The following PLEKHM2 variants were observed in gnomAD, a reference collection of about 807,000 sequenced individuals.
PLEKHM2 encodes the protein pleckstrin homology and RUN domain containing M2, also known as pleckstrin homology domain-containing family M member 2.
In PLEKHM2, 77 loss-of-function variants were observed where a neutral mutation model predicts 116.3. The ratio of observed to expected loss-of-function variants is 0.66; its 90% CI spans 0.55 to 0.80. PLEKHM2 has a LOEUF of 0.80. Ranked by LOEUF, PLEKHM2 falls within the 30% of genes least tolerant of loss-of-function variation. The probability of loss-of-function intolerance (pLI) is 0.00; values close to 1 mark genes in which losing one functional copy is unlikely to be tolerated. For missense variants in PLEKHM2, 1,183 were observed against 1,354.9 expected, an observed-to-expected ratio of 0.87 and a Z score of 1.99; for synonymous variants, 562 against 571.0, an observed-to-expected ratio of 0.98 and a Z score of 0.22.
upstream of PLEKHM2, among the ~76,000 whole-genome samples, chr1:15,682,075 G>A (rs1220428946): frequency 6.6e-6 from 1 of 151,986 alleles, no homozygotes. Context: ...ATTTTATTCT[G>A]TACTCTCAGC....
intron 7 of PLEKHM2, among the ~76,000 whole-genome samples, chr1:15,724,002 G>T (rs1385177487): frequency 1.3e-5 from 2 of 152,198 alleles, no homozygotes; most frequent in African/African-American, 4.8e-5. Flanking sequence ...TCTCTGCTTG[G>T]GTGGCTCCCA....
chr1:15,694,797 G>T lies in PLEKHM2; in HGVS notation c.60+10179G>T, dbSNP rs138599531. Among the ~76,000 whole-genome samples, 68 of 149,008 alleles carry T rather than the reference G, an allele frequency of 4.6e-4. No homozygotes were observed. In the East Asian group the frequency reaches 0.012, roughly 27 times the overall value. Reference sequence around the variant, plus strand: ...TTTTGAGACAGAGTCTCACTCTGTTGCCCAGGCTGGAGGGCAGTGGTGTGA... The same window carrying T: ...TTTTGAGACAGAGTCTCACTCTGTTTCCCAGGCTGGAGGGCAGTGGTGTGA... On this transcript the variant is annotated intron_variant, in intron 1 of 19. Coordinates refer to ENST00000375799, the MANE Select transcript of PLEKHM2 (RefSeq NM_015164.4).
intron 1 of PLEKHM2, among the ~76,000 whole-genome samples, chr1:15,705,652 T>G (rs975604110): frequency 6.6e-6 from 1 of 152,176 alleles, no homozygotes; most frequent in Non-Finnish European, 1.5e-5. Context: ...CGGCTCTGCC[T>G]TCAGACCCTG....
chr1:15,727,165 C>T lies in PLEKHM2; in HGVS notation c.1093C>T (p.Pro365Ser), dbSNP rs564943857. The change falls in exon 9 of 20, where the codon CCA becomes TCA. Residue 365 changes from proline to serine, a missense_variant. Transcript: ENST00000375799. This position sits in a 1 kb window ranked among gnomAD's most constrained non-coding sequence, Gnocchi z 7.5. Reference sequence around the variant, plus strand: ...CAGCCCAAGCCTTGGGCGGGACTCGCCAGACACTATGCTTGCCTCCCCCCA... The same window carrying T: ...CAGCCCAAGCCTTGGGCGGGACTCGTCAGACACTATGCTTGCCTCCCCCCA... ...NGSPSLGRDS[P>S]DTMLASPQEE... 6.2e-7 allele frequency: 1 copy of T among 1,602,382 alleles called. No homozygotes were observed. Among genetic ancestry groups the T allele is most frequent in the Non-Finnish European group, 8.5e-7 (1 of 1,174,048 alleles).
intron 1 of PLEKHM2, among the ~76,000 whole-genome samples, chr1:15,709,893 A>G (rs1010136489): frequency 3.3e-5 from 5 of 152,138 alleles, no homozygotes; most frequent in Non-Finnish European, 7.3e-5. Context: ...CAATATTGCA[A>G]TATTATTTCC....
chr1:15,702,134 G>A (rs1403098397), intron 1 of PLEKHM2, among the ~76,000 whole-genome samples: 2 of 152,184 alleles, frequency 1.3e-5, no homozygotes, highest in African/African-American at 4.8e-5. Context: ...AGACCAGAGG[G>A]GCAGTTTGCC....
At chr1:15,724,624 C>A (rs1004086815) in intron 7 of PLEKHM2, among the ~76,000 whole-genome samples, 16 of 152,158 alleles carry the variant, frequency 1.1e-4, no homozygotes, top group Non-Finnish European at 2.2e-4. Flanking sequence ...TGTCTTTGCC[C>A]CTTCGCACCT....
chr1:15,714,410 A>G (rs904503853), intron 1 of PLEKHM2, among the ~76,000 whole-genome samples: 2 of 150,180 alleles, frequency 1.3e-5, no homozygotes, highest in African/African-American at 4.9e-5. Flanking sequence ...TGAAGTGTGC[A>G]GTAATGTTTC....
Position 15,729,533 on chromosome 1 carries a change from C to T in PLEKHM2, c.2076-264C>T, listed in dbSNP as rs575235934. On this transcript the variant is annotated intron_variant, in intron 13 of 19. Coordinates refer to ENST00000375799, the MANE Select transcript of PLEKHM2 (RefSeq NM_015164.4). The surrounding 1 kb of genome is among the most constrained non-coding windows in gnomAD (Gnocchi z 4.7). ...GCTCAAGGTCCCACCCGTTGACGTC[C>T]TGCCCACCCTCTTTGTCTGTCTTCC... is the stretch of plus-strand genomic sequence containing the variant. Among the ~76,000 whole-genome samples the T allele has an allele frequency of 3.0e-4, 45 of 152,336 alleles. No individual in the cohort carries two copies. The highest frequency in any genetic ancestry group is 1.1e-3 in the African/African-American group (45 of 41,580).
At chr1:15,687,639 GTGTT>G (rs529403003) in intron 1 of PLEKHM2, among the ~76,000 whole-genome samples, 7 of 152,176 alleles carry the variant, frequency 4.6e-5, no homozygotes, top group Non-Finnish European at 8.8e-5. Context: ...CTTCCTTTGT[GTGTT>G]TGTTTGAGAC....
upstream of PLEKHM2, chr1:15,681,536 C>T: frequency 2.1e-6 from 1 of 472,046 alleles, no homozygotes; most frequent in Non-Finnish European, 4.3e-6. Context: ...AGAAGATGGC[C>T]TGCTATTCAA....
At position 15,728,211 on chromosome 1, in the gene PLEKHM2, C is replaced by A. The variant is rs1427361423; in HGVS notation, c.1831-56C>A. The stretch of plus-strand genomic sequence containing the variant: ...AAGGGCAAGGCGGGATGGGCCACCG[C>A]CCCCGCTGGAGCGGCAGGAGCCACC... On this transcript the variant is annotated intron_variant, in intron 10 of 19. Transcript: ENST00000375799. The surrounding 1 kb of genome is among the most constrained non-coding windows in gnomAD (Gnocchi z 5.9). 1 of 1,602,258 alleles carries A rather than the reference C, an allele frequency of 6.2e-7. No homozygotes were observed. Among genetic ancestry groups the A allele is most frequent in the South Asian group, 1.1e-5 (1 of 90,462 alleles).
chr1:15,720,006 G>T, intron 6 of PLEKHM2, 86 bp downstream of exon 6: 1 of 1,153,164 alleles, frequency 8.7e-7, no homozygotes, highest in Non-Finnish European at 1.2e-6. Context: ...TGTCTTCCTT[G>T]GCTAGTTTTG....
At chr1:15,708,778 T>C (rs1641273898) in intron 1 of PLEKHM2, among the ~76,000 whole-genome samples, 1 of 152,140 alleles carries the variant, frequency 6.6e-6, no homozygotes, top group Admixed American at 6.6e-5. Flanking sequence ...CCAGGTTTGA[T>C]GAAAAGACCT....
chr1:15,697,100 G>T (rs192785158), intron 1 of PLEKHM2, among the ~76,000 whole-genome samples: 15 of 152,160 alleles, frequency 9.9e-5, no homozygotes, highest in Admixed American at 3.3e-4. Context: ...AGATGAACAC[G>T]CCAGCTGAAG....
At chr1:15,718,672 C>T in intron 5 of PLEKHM2, 47 bp downstream of exon 5, 1 of 285,304 alleles carries the variant, frequency 3.5e-6, no homozygotes, top group East Asian at 1.7e-4. Flanking sequence ...GAGGAGGGGG[C>T]AGGGTGGGGG....
chr1:15,694,496 G>C (rs1331560963), intron 1 of PLEKHM2, among the ~76,000 whole-genome samples: 1 of 152,196 alleles, frequency 6.6e-6, no homozygotes, highest in Admixed American at 6.5e-5. Flanking sequence ...GGGCCGGTTG[G>C]TTTGGGTGAA....
chr1:15,728,408 A>C lies in PLEKHM2; in HGVS notation c.1921+51A>C. Reference sequence around the variant, plus strand: ...CGGGTTGTAGACGAGGCTGACTCTCAGCCCCTTTTCCCCAGTCCCCTTGCC... The same window carrying C: ...CGGGTTGTAGACGAGGCTGACTCTCCGCCCCTTTTCCCCAGTCCCCTTGCC... On this transcript the variant is annotated intron_variant, in intron 11 of 19. Coordinates refer to ENST00000375799, the MANE Select transcript of PLEKHM2 (RefSeq NM_015164.4). This position sits in a 1 kb window ranked among gnomAD's most constrained non-coding sequence, Gnocchi z 5.9. 2.0e-6 allele frequency: 3 copies of C among 1,521,584 alleles called. No homozygotes were observed. The highest frequency in any genetic ancestry group is 2.7e-6 in the Non-Finnish European group (3 of 1,107,264). 94.3% of individuals were successfully genotyped at this position (1,521,584 alleles called of 1,614,324 possible).
rs2068073699 is a variant in PLEKHM2, at chr1:15,727,137, C to CGGCAGCCCAAGCCTTGG, written c.1067_1083dup (p.Arg362AlafsTer39). 6.3e-7 allele frequency: 1 copy of CGGCAGCCCAAGCCTTGG among 1,592,650 alleles called. No individual in the cohort carries two copies. Among genetic ancestry groups the CGGCAGCCCAAGCCTTGG allele is most frequent in the Admixed American group, 1.7e-5 (1 of 57,624 alleles). On this transcript the variant is annotated frameshift_variant, in exon 9 of 20. Coordinates refer to ENST00000375799, the MANE Select transcript of PLEKHM2 (RefSeq NM_015164.4). LOFTEE classifies it high-confidence loss of function. This position sits in a 1 kb window ranked among gnomAD's most constrained non-coding sequence, Gnocchi z 7.5. ...AGCAGGGGGACGGTGACAGCCGCAA[C>CGGCAGCCCAAGCCTTGG]GGCAGCCCAAGCCTTGGGCGGGACT... is the stretch of plus-strand genomic sequence containing the variant.
Sources: gnomAD v4.1 joint callset for allele counts (sites outside exome capture counted in the v4.1 genomes callset) on GRCh38, gnomAD v4.1.1 for gene constraint, Gnocchi (gnomAD v3.1) non-coding constraint, MANE v1.5 for transcripts, NCBI Gene and HGNC (gene_info 2026-07-23, HGNC 2026-07-21) for gene names.